The following TMEM114 variants were observed in gnomAD, a reference collection of about 807,000 sequenced individuals.
TMEM114 encodes claudin-26.
In TMEM114, 6 loss-of-function variants were observed where a neutral mutation model predicts 6.2. The ratio of observed to expected loss-of-function variants is 0.97; its 90% CI spans 0.53 to 1.91. The LOEUF (loss-of-function observed/expected upper bound fraction) is 1.91, where lower values mean the gene tolerates loss of function less well. Ranked by LOEUF, TMEM114 falls within the 40% of genes most tolerant of loss-of-function variation. The pLI, the probability that TMEM114 is intolerant of heterozygous loss-of-function variation, is 0.01. For synonymous variants in TMEM114, 104 were observed against 73.0 expected (o/e 1.42, Z -2.16); for missense variants, 218 against 158.3 (o/e 1.38, Z -2.02).
At chr16:8,529,957 C>G in the TMEM114 span, among the ~76,000 whole-genome samples, 2 of 152,184 alleles carry the variant, frequency 1.3e-5, no homozygotes, top group African/African-American at 4.8e-5. Flanking sequence ...GAATGCACAT[C>G]ACTTCACCAG....
intron 2 of TMEM114, among the ~76,000 whole-genome samples, chr16:8,545,445 A>ACATCAT (rs954589307): frequency 6.6e-6 from 1 of 152,016 alleles, no homozygotes; most frequent in Non-Finnish European, 1.5e-5. Context: ...AAAATAATCA[A>ACATCAT]CATCATCATC....
At chr16:8,540,426 A>C (rs925921688) in intron 2 of TMEM114, among the ~76,000 whole-genome samples, 4 of 152,192 alleles carry the variant, frequency 2.6e-5, no homozygotes, top group African/African-American at 9.7e-5. Flanking sequence ...ATTGCATTGA[A>C]TTCATCAGAT....
intron 2 of TMEM114, among the ~76,000 whole-genome samples, chr16:8,575,817 A>G (rs1901902951): frequency 6.6e-6 from 1 of 152,228 alleles, no homozygotes; most frequent in Non-Finnish European, 1.5e-5. Flanking sequence ...GTATTGGGCT[A>G]TCTAAATGAA....
chr16:8,536,492 A>G (rs984536055), downstream of TMEM114, among the ~76,000 whole-genome samples: 6 of 152,306 alleles, frequency 3.9e-5, no homozygotes, highest in South Asian at 1.0e-3. Context: ...AATAATGACT[A>G]GCAATGGGGA....
At chr16:8,570,641 G>C (rs1236613272) in intron 3 of TMEM114, among the ~76,000 whole-genome samples, 1 of 152,060 alleles carries the variant, frequency 6.6e-6, no homozygotes, top group South Asian at 2.1e-4. Context: ...ACTAACATCT[G>C]TCTCCCCCAG....
intron 2 of TMEM114, among the ~76,000 whole-genome samples, chr16:8,538,598 C>G (rs1262513485): frequency 6.6e-6 from 1 of 152,162 alleles, no homozygotes; most frequent in East Asian, 1.9e-4. Context: ...AACTCCACAT[C>G]TTGGGTCCAC....
At chr16:8,571,646 T>G (rs116380652) in intron 3 of TMEM114, among the ~76,000 whole-genome samples, 1,873 of 144,822 alleles carry the variant, frequency 0.013, 37 homozygotes, top group African/African-American at 0.045. Context: ...CTCTTCTAGA[T>G]TCTACATAGA....
chr16:8,586,131 A>C (rs1284242659), intron 2 of TMEM114, among the ~76,000 whole-genome samples: 1 of 152,230 alleles, frequency 6.6e-6, no homozygotes, highest in Non-Finnish European at 1.5e-5. Context: ...AGCTTGGCAA[A>C]GGATCAGCAC....
At chr16:8,570,540 C>A (rs937118150) in intron 3 of TMEM114, among the ~76,000 whole-genome samples, 8 of 152,130 alleles carry the variant, frequency 5.3e-5, no homozygotes, top group Admixed American at 2.0e-4. Flanking sequence ...CCATATTGGC[C>A]AGACTGGTCT....
chr16:8,529,538 T>C, the TMEM114 span, among the ~76,000 whole-genome samples: 167 of 152,282 alleles, frequency 1.1e-3, 1 homozygote, highest in African/African-American at 3.7e-3. Flanking sequence ...ATCTGGGTTG[T>C]TTGTTTAAAT....
rs1002649522 is a variant in TMEM114 at position 8,570,995 on chromosome 16, T to C, written c.440-990A>G. Among the ~76,000 whole-genome samples, 9 of 152,182 alleles carry C rather than the reference T, an allele frequency of 5.9e-5. 1 individual carries two copies. Among genetic ancestry groups the C allele is most frequent in the African/African-American group, 2.2e-4 (9 of 41,448 alleles). ...AATTTGTCACTGGGTGAACTATTAA[T>C]GCTAATAGTAATAATAATAGTGAGT... On this transcript the variant is annotated intron_variant, in intron 3 of 3. Coordinates refer to ENST00000620492, the MANE Select transcript of TMEM114 (RefSeq NM_001146336.2).
chr16:8,548,406 A>G (rs1353102394), intron 2 of TMEM114, among the ~76,000 whole-genome samples: 1 of 152,286 alleles, frequency 6.6e-6, no homozygotes, highest in East Asian at 1.9e-4. Context: ...TGATTCTCAG[A>G]TACTAGCCAT....
chr16:8,550,380 C>T (rs376615204), intron 2 of TMEM114, among the ~76,000 whole-genome samples: 1 of 152,172 alleles, frequency 6.6e-6, no homozygotes, highest in East Asian at 1.9e-4. Flanking sequence ...TCTCTGGAAT[C>T]TAAAATCTGG....
intron 2 of TMEM114, among the ~76,000 whole-genome samples, chr16:8,561,715 G>T (rs12932210): frequency 0.16 from 23,839 of 152,182 alleles, 2,390 homozygotes; most frequent in East Asian, 0.34. Context: ...ATCAGTGAAT[G>T]AATGAGTGAG....
downstream of TMEM114, among the ~76,000 whole-genome samples, chr16:8,535,319 C>G (rs868184099): frequency 6.6e-6 from 1 of 152,094 alleles, no homozygotes; most frequent in East Asian, 1.9e-4. Context: ...TTTGATTCCT[C>G]TAGCCCTGAG....
At chr16:8,567,668 T>C (rs539458800), downstream of TMEM114, among the ~76,000 whole-genome samples, 11 of 152,222 alleles carry the variant, frequency 7.2e-5, no homozygotes, top group South Asian at 2.1e-3. Context: ...CTGCCAAATG[T>C]CAGGTGGGGG....
At chr16:8,571,348 A>G (rs1901727380) in intron 3 of TMEM114, among the ~76,000 whole-genome samples, 1 of 152,268 alleles carries the variant, frequency 6.6e-6, no homozygotes, top group East Asian at 1.9e-4. Context: ...ACACAGCATG[A>G]GGATTTGATA....
intron 2 of TMEM114, among the ~76,000 whole-genome samples, chr16:8,583,113 G>GTTGTGAAGA (rs890956793): frequency 4.6e-5 from 7 of 152,198 alleles, no homozygotes; most frequent in African/African-American, 1.4e-4. Context: ...CTCTTGGGCT[G>GTTGTGAAGA]TTGTGAAGAT....
chr16:8,548,331 C>G (rs1900736878), intron 2 of TMEM114, among the ~76,000 whole-genome samples: 1 of 152,168 alleles, frequency 6.6e-6, no homozygotes, highest in Non-Finnish European at 1.5e-5. Context: ...CAAACTCTGG[C>G]AATTATAACA....
Sources: gnomAD v4.1 joint callset for allele counts (sites outside exome capture counted in the v4.1 genomes callset) on GRCh38, gnomAD v4.1.1 for gene constraint, MANE v1.5 for transcripts, NCBI Gene and HGNC (gene_info 2026-07-23, HGNC 2026-07-21) for gene names.